The following SOX6 variants were observed in gnomAD, a reference collection of about 807,000 sequenced individuals.
SOX6 encodes the protein transcription factor SOX-6.
In SOX6, 11 loss-of-function variants were observed where a neutral mutation model predicts 97.8. The ratio of observed to expected loss-of-function variants is 0.11; its 90% confidence interval spans 0.07 to 0.19. The LOEUF is 0.19. SOX6 is among the 10% of genes least tolerant of loss of function. SOX6 has a pLI of 1.00. For synonymous variants in SOX6, 360 were observed against 371.4 expected, an observed-to-expected ratio of 0.97 and a Z score of 0.35; for missense variants, 810 against 1,039.5, an observed-to-expected ratio of 0.78 and a Z score of 3.04.
chr11:15,982,774 A>G (rs551907769), intron 15 of SOX6, among the ~76,000 whole-genome samples: 1 of 152,198 alleles, frequency 6.6e-6, no homozygotes, highest in Admixed American at 6.5e-5. Context: ...AATTTTTTTA[A>G]AAAATATTTT....
At chr11:16,378,073 G>A (rs1857691373) in intron 1 of SOX6, among the ~76,000 whole-genome samples, 1 of 152,082 alleles carries the variant, frequency 6.6e-6, no homozygotes, top group Non-Finnish European at 1.5e-5. Flanking sequence ...TGTTAAATAT[G>A]TTCATTAAAG....
intron 9 of SOX6, among the ~76,000 whole-genome samples, chr11:16,082,650 C>T (rs767567920): frequency 6.6e-6 from 1 of 152,158 alleles, no homozygotes; most frequent in African/African-American, 2.4e-5. Context: ...TACCATTGTA[C>T]TAAAGGGACT....
intron 6 of SOX6, among the ~76,000 whole-genome samples, chr11:16,148,971 T>C (rs1850388189): frequency 6.6e-6 from 1 of 152,194 alleles, no homozygotes; most frequent in Non-Finnish European, 1.5e-5. Flanking sequence ...TATGTAAGCA[T>C]ACTCATTTGT....
At position 16,111,466 on chromosome 11, in the gene SOX6, T is replaced by C. The variant is rs185783459; in HGVS notation, c.898+337A>G. Among the ~76,000 whole-genome samples the C allele has an allele frequency of 2.0e-5, 3 of 152,154 alleles. No homozygotes were observed. In the East Asian group the frequency reaches 5.8e-4, roughly 29 times the overall value. On this transcript the variant is annotated intron_variant, in intron 7 of 15. Transcript: ENST00000683767. ...GATCACTTTTCCAGAATATAACAGC[T>C]CTCACCAGGAGAAAAGGATCTTTAA... is the stretch of plus-strand genomic sequence containing the variant.
chr11:16,222,080 T>C (rs895977097), intron 4 of SOX6, among the ~76,000 whole-genome samples: 1 of 152,208 alleles, frequency 6.6e-6, no homozygotes, highest in African/African-American at 2.4e-5. Context: ...ATTGCCTTCA[T>C]ACACTTCAAT....
At chr11:16,506,538 G>T (rs1395726177) in intron 4 of SOX6, among the ~76,000 whole-genome samples, 1 of 152,166 alleles carries the variant, frequency 6.6e-6, no homozygotes, top group African/African-American at 2.4e-5. Flanking sequence ...TAAGACTTGG[G>T]GTACTGCTAA....
At chr11:16,222,361 T>C (rs980273540) in intron 4 of SOX6, among the ~76,000 whole-genome samples, 4 of 152,162 alleles carry the variant, frequency 2.6e-5, no homozygotes, top group East Asian at 3.9e-4. Flanking sequence ...TACAGGCACA[T>C]GTCACCACAC....
chr11:16,048,976 C>T (rs1231288167), intron 11 of SOX6, among the ~76,000 whole-genome samples: 1 of 152,110 alleles, frequency 6.6e-6, no homozygotes, highest in Non-Finnish European at 1.5e-5. Flanking sequence ...GATAATCATT[C>T]ATTCTAGTCA....
chr11:16,694,873 A>G (rs1164840014), intron 3 of SOX6, among the ~76,000 whole-genome samples: 2 of 152,236 alleles, frequency 1.3e-5, no homozygotes, highest in Non-Finnish European at 2.9e-5. Context: ...ACAAGTACAG[A>G]CTTTTTCCTT....
At chr11:16,078,736 C>G (rs1848410600) in intron 9 of SOX6, among the ~76,000 whole-genome samples, 1 of 151,964 alleles carries the variant, frequency 6.6e-6, no homozygotes. Context: ...GGCTGGGAGG[C>G]TTTCAGAGAG....
At chr11:16,399,561 C>T (rs10734243) in intron 1 of SOX6, among the ~76,000 whole-genome samples, 150,667 of 151,386 alleles carry the variant, frequency 1, 74,981 homozygotes, top group Middle Eastern at 1. Flanking sequence ...TAAAATGTCT[C>T]TCCTAAGGAA....
intron 12 of SOX6, among the ~76,000 whole-genome samples, chr11:16,038,960 T>C (rs902381817): frequency 3.3e-5 from 5 of 152,154 alleles, no homozygotes; most frequent in African/African-American, 4.8e-5. Context: ...AGAAGACCTA[T>C]GTCTCTTCTG....
chr11:16,414,312 A>T (rs1185131250), intron 1 of SOX6, among the ~76,000 whole-genome samples: 1 of 152,232 alleles, frequency 6.6e-6, no homozygotes, highest in Non-Finnish European at 1.5e-5. Context: ...CTCATCTGCA[A>T]ATTCAAGAAA....
intron 4 of SOX6, among the ~76,000 whole-genome samples, chr11:16,567,084 C>T (rs1847880164): frequency 6.6e-6 from 1 of 152,148 alleles, no homozygotes; most frequent in African/African-American, 2.4e-5. Context: ...GCCAACTTGG[C>T]ACTATAAGTA....
At position 16,405,919 on chromosome 11, in the gene SOX6, C is replaced by T. The variant is rs537084910; in HGVS notation, c.-4-64667G>A. Among the ~76,000 whole-genome samples, 73 of 152,154 alleles carry T rather than the reference C, an allele frequency of 4.8e-4. 1 individual carries two copies. Among genetic ancestry groups the T allele is most frequent in the African/African-American group, 1.6e-3 (68 of 41,546 alleles). ...TTACTGACTCCACCCACTGCTACTT[C>T]TCCTTAGTCAAAATTGCTCTCGACA... On this transcript the variant is annotated intron_variant, in intron 1 of 15. Coordinates refer to the SOX6 transcript ENST00000396356.
At chr11:16,129,331 T>C (rs1455105) in intron 6 of SOX6, among the ~76,000 whole-genome samples, 2 of 152,204 alleles carry the variant, frequency 1.3e-5, no homozygotes, top group African/African-American at 4.8e-5. Flanking sequence ...TATTTTCTGA[T>C]AATTGCCTCT....
chr11:16,648,749 T>C (rs1849050583), intron 3 of SOX6, among the ~76,000 whole-genome samples: 1 of 151,964 alleles, frequency 6.6e-6, no homozygotes, highest in Non-Finnish European at 1.5e-5. Flanking sequence ...TCCCCAGCAA[T>C]AAATCCAAAC....
chr11:16,249,499 AGTTC>A (rs1565046881), intron 3 of SOX6, among the ~76,000 whole-genome samples: 2 of 152,176 alleles, frequency 1.3e-5, no homozygotes, highest in Non-Finnish European at 2.9e-5. Context: ...GTCTCTAGGA[AGTTC>A]CAAACTTTTC....
At chr11:16,390,349 G>C (rs1359536910) in intron 1 of SOX6, among the ~76,000 whole-genome samples, 1 of 152,072 alleles carries the variant, frequency 6.6e-6, no homozygotes, top group African/African-American at 2.4e-5. Flanking sequence ...TTCTTCCAAA[G>C]CTCATTCTCC....
Sources: allele counts gnomAD v4.1 joint callset (sites outside exome capture counted in the v4.1 genomes callset), GRCh38; gene constraint gnomAD v4.1.1; transcripts MANE v1.5; gene names NCBI Gene and HGNC (gene_info 2026-07-23, HGNC 2026-07-21).